BOK: variants seen among roughly 807,000 people sequenced by gnomAD.
The protein encoded by BOK is bcl-2-related ovarian killer protein.
Under a neutral mutation model 18.3 loss-of-function variants are expected in BOK, and 20 were observed. The ratio of observed to expected loss-of-function variants is 1.09; its 90% confidence interval spans 0.77 to 1.59. The LOEUF (loss-of-function observed/expected upper bound fraction) is 1.59. Among genes scored for constraint, BOK ranks in the 40% most tolerant of loss-of-function variants. The probability of loss-of-function intolerance (pLI) is 0.00; values close to 1 mark genes in which losing one functional copy is unlikely to be tolerated. For synonymous variants in BOK, 173 were observed against 142.4 expected, an observed-to-expected ratio of 1.21 and a Z score of -1.53; for missense variants, 348 against 307.9, an observed-to-expected ratio of 1.13 and a Z score of -0.97.
chr2:241,568,409 C>T (rs566813125), intron 3 of BOK, among the ~76,000 whole-genome samples: 70 of 151,086 alleles, frequency 4.6e-4, no homozygotes, highest in African/African-American at 1.5e-3. Flanking sequence ...CGTGAGCCAC[C>T]GCGCCCAGCC....
At chr2:241,572,150 G>A (rs186542901) in intron 4 of BOK, 147 bp from the exon 5 acceptor site, 4 of 1,307,252 alleles carry the variant, frequency 3.1e-6, no homozygotes, top group East Asian at 2.5e-5. Flanking sequence ...TTCAGTCCAG[G>A]CCACAGACCT....
chr2:241,558,304 A>T (rs1393364439), upstream of BOK, among the ~76,000 whole-genome samples: 1 of 152,226 alleles, frequency 6.6e-6, no homozygotes. Context: ...ATATCCCAAT[A>T]AAAAGGTACT....
chr2:241,570,536 G>GT lies in BOK; in HGVS notation c.513+248_513+249insT, dbSNP rs140101260. Among the ~76,000 whole-genome samples the GT allele has an allele frequency of 7.9e-4, 17 of 21,532 alleles. 6 individuals are homozygous for GT. The highest frequency in any genetic ancestry group is 1.1e-3 in the Non-Finnish European group (12 of 11,318). 14.1% of individuals were successfully genotyped at this position (21,532 alleles called of 152,430 possible). On this transcript the variant is annotated intron_variant, in intron 4 of 4. Transcript: ENST00000318407. ...CGGATGGGTGAGCCTCTGAGCGCCT[G>GT]GGGGGTGGGAGAGCTGGGGTGCGAG...
At chr2:241,557,932 A>G (rs2066466291), upstream of BOK, among the ~76,000 whole-genome samples, 1 of 152,174 alleles carries the variant, frequency 6.6e-6, no homozygotes, top group Admixed American at 6.6e-5. Flanking sequence ...TGCACATGGG[A>G]AGAATAAGTA....
In BOK at chr2:241,559,468, C is replaced by A. The variant is rs569000629; in HGVS notation, c.-16C>A. The A allele has an allele frequency of 1.6e-4, 239 of 1,450,550 alleles. No individual in the cohort carries two copies. The highest frequency in any genetic ancestry group is 6.6e-4 in the Admixed American group (26 of 39,564). 89.9% of individuals were successfully genotyped at this position (1,450,550 alleles called of 1,614,324 possible). A position where few individuals can be genotyped will look rare whatever the true frequency, so the allele number is the denominator to read the frequency against. On this transcript the variant is annotated 5_prime_UTR_variant, in exon 2 of 5. Coordinates refer to ENST00000318407, the MANE Select transcript of BOK (RefSeq NM_032515.5). Reference sequence around the variant, plus strand: ...TTGTGCCCGCAGGTGCGGCGCCCCCCACCCGCGTCGCCGCCATGGAGGTGC... The same window carrying A: ...TTGTGCCCGCAGGTGCGGCGCCCCCAACCCGCGTCGCCGCCATGGAGGTGC...
intron 3 of BOK, among the ~76,000 whole-genome samples, chr2:241,568,992 A>AACTCCCTCCGGGGACCGCTGCTG (rs2066661378): frequency 6.6e-6 from 1 of 151,718 alleles, no homozygotes; most frequent in South Asian, 2.1e-4. Context: ...GACCGCTGCT[A>AACTCCCTCCGGGGACCGCTGCTG]ACTCCCTGCG....
chr2:241,566,287 TTTTTTTTCTTTTTTC>T (rs1207264084), intron 3 of BOK, among the ~76,000 whole-genome samples: 1 of 126,188 alleles, frequency 7.9e-6, no homozygotes, highest in Non-Finnish European at 1.6e-5. Flanking sequence ...CTATTCTTTC[TTTTTTTTCTTTTTTC>T]TTTTTTTTTT....
intron 3 of BOK, among the ~76,000 whole-genome samples, chr2:241,563,217 C>T (rs900142098): frequency 2.0e-5 from 3 of 152,218 alleles, no homozygotes; most frequent in Non-Finnish European, 4.4e-5. Context: ...TAGGGCTTGT[C>T]TCCCCTACTC....
chr2:241,560,332 T>A, intron 2 of BOK: 1 of 963,596 alleles, frequency 1.0e-6, no homozygotes, highest in Non-Finnish European at 1.2e-6. Context: ...AGCTGGGCTG[T>A]GGCCGTCACC....
intron 3 of BOK, among the ~76,000 whole-genome samples, chr2:241,566,011 G>T (rs1181588649): frequency 6.6e-6 from 1 of 152,044 alleles, no homozygotes; most frequent in Admixed American, 6.5e-5. Context: ...ATGGCTGGGT[G>T]CAGTGACTCA....
chr2:241,560,261 C>G, intron 2 of BOK: 1 of 985,228 alleles, frequency 1.0e-6, no homozygotes, highest in Non-Finnish European at 1.2e-6. Context: ...CCACCGTCTC[C>G]AAGGTCTGGA....
At chr2:241,564,766 C>T (rs977413630) in intron 3 of BOK, among the ~76,000 whole-genome samples, 5 of 152,070 alleles carry the variant, frequency 3.3e-5, no homozygotes, top group South Asian at 2.1e-4. Context: ...CTCCCTTGGC[C>T]GACGCCGGCG....
chr2:241,562,431 G>C lies in BOK; in HGVS notation c.304G>C (p.Val102Leu), dbSNP rs2066543644. Residue 102 changes from valine to leucine, a missense_variant, in exon 3 of 5, where the codon GTG becomes CTG. Physicochemically the swap from Val to Leu is conservative, Grantham distance 32. Coordinates refer to ENST00000318407, the MANE Select transcript of BOK (RefSeq NM_032515.5). This position sits in a 1 kb window ranked among gnomAD's most constrained non-coding sequence, Gnocchi z 4.5. Reference sequence around the variant, plus strand: ...CATCTCCCTGCAGTCTGAGCCTGTGGTGACCGATGCGTTCCTGGCCGTGGC... The same window carrying C: ...CATCTCCCTGCAGTCTGAGCCTGTGCTGACCGATGCGTTCCTGGCCGTGGC... ...LHISLQSEPV[V>L]TDAFLAVAGH... 1 of 1,612,388 alleles carries C rather than the reference G, an allele frequency of 6.2e-7. No individual in the cohort carries two copies. The highest frequency in any genetic ancestry group is 8.5e-7 in the Non-Finnish European group (1 of 1,179,880).
At chr2:241,556,592 A>AAAG (rs1229848745), upstream of BOK, among the ~76,000 whole-genome samples, 1 of 151,752 alleles carries the variant, frequency 6.6e-6, no homozygotes, top group East Asian at 1.9e-4. Context: ...AAAAAAAAAA[A>AAAG]AAAAAAAAAA....
At position 241,572,295 on chromosome 2, in the gene BOK, A is replaced by C. The variant is rs1575006404; in HGVS notation, c.514-2A>C. On this transcript the variant is annotated splice_acceptor_variant, in intron 4 of 4. Transcript: ENST00000318407. LOFTEE classifies it high-confidence loss of function. ...TCTAACGGTCTCCCTCTTCCCTCCC[A>C]GACTGATGTCCTCAAGTGTGTGGTC... 6.2e-7 allele frequency: 1 copy of C among 1,611,040 alleles called. No homozygotes were observed.
In BOK at chr2:241,559,501, C is replaced by A; in HGVS notation, c.18C>A (p.Arg6=). Residue 6 remains arginine (R), a synonymous_variant, in exon 2 of 5, where the codon CGC becomes CGA. Coordinates refer to ENST00000318407, the MANE Select transcript of BOK (RefSeq NM_032515.5). ...TCGCCGCCATGGAGGTGCTGCGGCGCTCCTCGGTCTTCGCCGCCGAGATCA... is the reference window on the plus strand; with the variant it reads ...TCGCCGCCATGGAGGTGCTGCGGCGATCCTCGGTCTTCGCCGCCGAGATCA... The part of the protein sequence containing the change: MEVLR[R]SSVFAAEIMD... 2 of 1,485,456 alleles carry A rather than the reference C, an allele frequency of 1.3e-6. No homozygotes were observed. Among genetic ancestry groups the A allele is most frequent in the Non-Finnish European group, 1.8e-6 (2 of 1,124,294 alleles). The allele number at this position is 1,485,456 out of a possible 1,614,324, so 92.0% of individuals were successfully genotyped here. A position where few individuals can be genotyped will look rare whatever the true frequency, so the allele number is the denominator to read the frequency against.
chr2:241,566,861 A>T lies in BOK; in HGVS notation c.350-3264A>T, dbSNP rs1024585075. On this transcript the variant is annotated intron_variant, in intron 3 of 4. Coordinates refer to ENST00000318407, the MANE Select transcript of BOK (RefSeq NM_032515.5). ...GCCAGGGGCTGTCGGTGAAATAGGG[A>T]GTGACTGCTAGTGGGCATGGGGTTT... Among the ~76,000 whole-genome samples, 16 of 134,404 alleles carry T rather than the reference A, an allele frequency of 1.2e-4. 3 individuals are homozygous for T. The highest frequency in any genetic ancestry group is 2.4e-4 in the Non-Finnish European group (15 of 62,910). The allele number at this position is 134,404 out of a possible 152,430, so 88.2% of individuals were successfully genotyped here.
chr2:241,568,505 C>T (rs923610360), intron 3 of BOK, among the ~76,000 whole-genome samples: 3 of 152,008 alleles, frequency 2.0e-5, no homozygotes, highest in Non-Finnish European at 4.4e-5. Context: ...GAAACCTCCA[C>T]CTCCTGGGTT....
chr2:241,552,411 G>A (rs560476846), intron 1 of BOK, among the ~76,000 whole-genome samples: 29 of 152,186 alleles, frequency 1.9e-4, no homozygotes, highest in Non-Finnish European at 3.5e-4. Context: ...TCTCCACGCC[G>A]CGCCATGCCG....
Sources: gnomAD v4.1 joint callset for allele counts (sites outside exome capture counted in the v4.1 genomes callset) on GRCh38, gnomAD v4.1.1 for gene constraint, Gnocchi (gnomAD v3.1) non-coding constraint, MANE v1.5 for transcripts, NCBI Gene and HGNC (gene_info 2026-07-23, HGNC 2026-07-21) for gene names.